Variants in CORO2B observed in about 807,000 individuals in gnomAD.
CORO2B encodes the protein coronin-2B.
In CORO2B, 26 loss-of-function variants were observed where a neutral mutation model predicts 58.8. The observed-to-expected ratio is 0.44, with a 90% confidence interval of 0.32 to 0.61. The LOEUF is 0.61. CORO2B is among the 20% of genes least tolerant of loss of function. The pLI, the probability that CORO2B is intolerant of heterozygous loss-of-function variation, is 0.04. For missense variants in CORO2B, 460 were observed against 645.1 expected, an observed-to-expected ratio of 0.71 and a Z score of 3.11; for synonymous variants, 242 against 253.8, an observed-to-expected ratio of 0.95 and a Z score of 0.44.
the CORO2B span, among the ~76,000 whole-genome samples, chr15:68,542,279 A>G: frequency 6.6e-6 from 1 of 152,220 alleles, no homozygotes; most frequent in African/African-American, 2.4e-5. Flanking sequence ...ACTTTGCCAA[A>G]TGCAGCCAAC....
chr15:68,711,427 C>T (rs1892914052), intron 4 of CORO2B, 115 bp from the exon 5 acceptor site: 10 of 824,908 alleles, frequency 1.2e-5, no homozygotes, highest in African/African-American at 1.7e-5. Flanking sequence ...CACCCCAGCA[C>T]ACCCCAGGCC....
At chr15:68,655,385 TCG>T (rs1416774697) in intron 2 of CORO2B, among the ~76,000 whole-genome samples, 5 of 152,130 alleles carry the variant, frequency 3.3e-5, no homozygotes, top group African/African-American at 4.8e-5. Context: ...TCCATGCCTC[TCG>T]CCGGCCCTCC....
At chr15:68,653,970 A>G (rs1037511416) in intron 2 of CORO2B, among the ~76,000 whole-genome samples, 3 of 152,078 alleles carry the variant, frequency 2.0e-5, no homozygotes, top group Non-Finnish European at 2.9e-5. Flanking sequence ...TCTTTCCTCA[A>G]TCGTTCTTTG....
At chr15:68,520,085 A>G in the CORO2B span, among the ~76,000 whole-genome samples, 127 of 152,274 alleles carry the variant, frequency 8.3e-4, no homozygotes, top group African/African-American at 3.0e-3. Context: ...TTTTCTTGTT[A>G]TTCTTTCATT....
intron 1 of CORO2B, among the ~76,000 whole-genome samples, chr15:68,585,327 C>T (rs1412388780): frequency 6.6e-6 from 1 of 152,142 alleles, no homozygotes; most frequent in Non-Finnish European, 1.5e-5. Flanking sequence ...CCTTTTCAAT[C>T]CGATCACATA....
intron 2 of CORO2B, among the ~76,000 whole-genome samples, chr15:68,672,187 CT>C (rs1227130665): frequency 7.2e-5 from 1 of 13,880 alleles, no homozygotes; most frequent in Non-Finnish European, 2.2e-4. Flanking sequence ...TGTGTGTGTA[CT>C]TTTTTGGTGT....
At chr15:68,556,020 A>G in the CORO2B span, among the ~76,000 whole-genome samples, 1 of 152,244 alleles carries the variant, frequency 6.6e-6, no homozygotes, top group Non-Finnish European at 1.5e-5. Flanking sequence ...CAGAGAAAGA[A>G]GGAAGAGAAT....
chr15:68,565,530 A>AAT, the CORO2B span, among the ~76,000 whole-genome samples: 429 of 149,510 alleles, frequency 2.9e-3, 9 homozygotes, highest in East Asian at 0.044. Flanking sequence ...AATAAAAATA[A>AAT]ATATATATAT....
In CORO2B at chr15:68,726,295, G is replaced by C; in HGVS notation, c.*321G>C. 2.9e-6 allele frequency: 1 copy of C among 344,502 alleles called. No homozygotes were observed. The highest frequency in any genetic ancestry group is 5.4e-6 in the Non-Finnish European group (1 of 186,084). The allele number at this position is 344,502 out of a possible 1,614,324, so 21.3% of individuals were successfully genotyped here. A position where few individuals can be genotyped will look rare whatever the true frequency, so the allele number is the denominator to read the frequency against. On this transcript the variant is annotated 3_prime_UTR_variant, in exon 12 of 12. Coordinates refer to ENST00000261861, the MANE Select transcript of CORO2B (RefSeq NM_006091.5). ...TCCATCTCAGTGGACCAGGAAGCAA[G>C]AGGGGAAGCGGGATCCCAGCTAGAC...
At chr15:68,562,052 C>G in the CORO2B span, among the ~76,000 whole-genome samples, 2 of 152,192 alleles carry the variant, frequency 1.3e-5, no homozygotes, top group Non-Finnish European at 2.9e-5. Flanking sequence ...CCAGTGGGTA[C>G]TGGGGCCCAG....
At chr15:68,531,550 A>AGGAC in the CORO2B span, among the ~76,000 whole-genome samples, 225 of 56,854 alleles carry the variant, frequency 4.0e-3, 2 homozygotes, top group African/African-American at 0.012. Flanking sequence ...GAAGGAAGGA[A>AGGAC]GGAAGGAAAG....
At chr15:68,632,954 A>G (rs1370924364) in intron 1 of CORO2B, among the ~76,000 whole-genome samples, 1 of 152,190 alleles carries the variant, frequency 6.6e-6, no homozygotes, top group African/African-American at 2.4e-5. Flanking sequence ...AGAACAGTGC[A>G]CTAACATTAT....
Position 68,579,204 on chromosome 15 carries a change from CCGCCGCCGCCGCCCCCGCA to C in CORO2B, c.-52_-34del. The C allele has an allele frequency of 1.0e-6, 1 of 989,604 alleles. No individual in the cohort carries two copies. The highest frequency in any genetic ancestry group is 1.2e-6 in the Non-Finnish European group (1 of 832,080). 61.3% of individuals were successfully genotyped at this position (989,604 alleles called of 1,614,324 possible). On this transcript the variant is annotated 5_prime_UTR_variant, in exon 1 of 12. Transcript: ENST00000261861. ...GACCCCCTTCCGCCGCCGCCCCGGG[CCGCCGCCGCCGCCCCCGCA>C]CGCCGCGCCCGCGCCCCCGCTCCGC...
At chr15:68,625,727 C>A (rs1028486470) in intron 1 of CORO2B, among the ~76,000 whole-genome samples, 2 of 152,122 alleles carry the variant, frequency 1.3e-5, no homozygotes, top group South Asian at 4.1e-4. Flanking sequence ...ACCTCAGCAC[C>A]CCAAGTAGCT....
Position 68,715,296 on chromosome 15 carries a change from C to A in CORO2B, c.952C>A (p.Pro318Thr), listed in dbSNP as rs1243584644. ...CCTCATGGAGTTCCGCTCCCCAGCC[C>A]CGCAGAAAGGCCTAGGTAAGTGGCC... is the stretch of plus-strand genomic sequence containing the variant. ...SYLMEFRSPA[P>T]QKGLGVMPKH... is the part of the protein sequence containing the mutation. Residue 318 changes from proline (P) to threonine (T), a missense_variant, in exon 8 of 12, where the codon CCG (proline) becomes ACG (threonine). Pro to Thr is a conservative substitution (Grantham distance 38). Coordinates refer to ENST00000261861, the MANE Select transcript of CORO2B (RefSeq NM_006091.5). 1.2e-6 allele frequency: 2 copies of A among 1,614,028 alleles called. No homozygotes were observed. Among genetic ancestry groups the A allele is most frequent in the Non-Finnish European group, 1.7e-6 (2 of 1,179,960 alleles).
chr15:68,586,711 C>T (rs568058810), intron 1 of CORO2B, among the ~76,000 whole-genome samples: 49 of 152,252 alleles, frequency 3.2e-4, no homozygotes, highest in African/African-American at 1.1e-3. Context: ...GGCCTCTTTC[C>T]TTCCCGCTGC....
chr15:68,697,514 T>G, intron 3 of CORO2B, among the ~76,000 whole-genome samples: 1 of 149,658 alleles, frequency 6.7e-6, no homozygotes, highest in Admixed American at 6.6e-5. Context: ...CATGGGAGAG[T>G]GGTGAGGAGG....
the CORO2B span, among the ~76,000 whole-genome samples, chr15:68,542,819 T>A: frequency 2.0e-5 from 3 of 152,260 alleles, no homozygotes; most frequent in Non-Finnish European, 4.4e-5. Flanking sequence ...AGTGCTACCA[T>A]GTGCCTGGAA....
Position 68,646,867 on chromosome 15 carries a change from C to T in CORO2B, c.216+1507C>T, listed in dbSNP as rs539127645. Among the ~76,000 whole-genome samples, 6 of 152,272 alleles carry T rather than the reference C, an allele frequency of 3.9e-5. No individual in the cohort carries two copies. The South Asian group carries it at 1.0e-3, about 26-fold the overall frequency. On this transcript the variant is annotated intron_variant, in intron 2 of 11. Coordinates refer to ENST00000261861, the MANE Select transcript of CORO2B (RefSeq NM_006091.5). ...AGGCTCACAGCAGCTCTAACACATT[C>T]GGAAGGATCCTCAAATGCAGCTTCC...
Sources: allele counts gnomAD v4.1 joint callset (sites outside exome capture counted in the v4.1 genomes callset), GRCh38; gene constraint gnomAD v4.1.1; transcripts MANE v1.5; gene names NCBI Gene and HGNC (gene_info 2026-07-23, HGNC 2026-07-21).